The following RNF128 variants were observed in gnomAD, a reference collection of about 807,000 sequenced individuals.
RNF128 encodes E3 ubiquitin-protein ligase RNF128.
A neutral mutation model predicts 26.2 loss-of-function variants in RNF128; 13 were observed. The observed-to-expected ratio is 0.50, with a 90% CI of 0.32 to 0.79. The LOEUF (loss-of-function observed/expected upper bound fraction) is 0.79, where lower values mean the gene tolerates loss of function less well. Ranked by LOEUF, RNF128 falls within the 30% of genes least tolerant of loss-of-function variation. The probability of loss-of-function intolerance (pLI) is 0.03; values close to 1 mark genes in which losing one functional copy is unlikely to be tolerated. For synonymous variants in RNF128, 149 were observed against 142.5 expected (o/e 1.05, Z -0.32); for missense variants, 315 against 349.7 (o/e 0.90, Z 0.79).
intron 1 of RNF128, among the ~76,000 whole-genome samples, chrX:106,710,381 G>A (rs1929105073): frequency 8.9e-6 from 1 of 112,393 alleles, no homozygotes; most frequent in Non-Finnish European, 1.9e-5. Context: ...GAGAACTACA[G>A]TTTATTGAGG....
intron 1 of RNF128, among the ~76,000 whole-genome samples, chrX:106,771,916 A>G (rs1031485546): frequency 2.7e-5 from 3 of 112,506 alleles, no homozygotes; most frequent in African/African-American, 9.7e-5. Flanking sequence ...ATTTGTATTT[A>G]TTCCAGATTG....
intron 1 of RNF128, among the ~76,000 whole-genome samples, chrX:106,733,996 C>A (rs184894216): frequency 3.2e-4 from 36 of 112,254 alleles, no homozygotes; most frequent in African/African-American, 1.1e-3. Flanking sequence ...CCACAGTGCC[C>A]AGCTTATCAT....
At chrX:106,697,587 C>T (rs1252503915) in intron 1 of RNF128, among the ~76,000 whole-genome samples, 1 of 111,709 alleles carries the variant, frequency 9.0e-6, no homozygotes, top group Non-Finnish European at 1.9e-5. Context: ...CTCCGCATCC[C>T]TTATAGGTTG....
At chrX:106,744,637 T>G (rs772805412) in intron 1 of RNF128, among the ~76,000 whole-genome samples, 2 of 110,668 alleles carry the variant, frequency 1.8e-5, no homozygotes, top group African/African-American at 6.6e-5. Flanking sequence ...TTTCTTGTAT[T>G]TTTAGTAGAG....
chrX:106,767,512 G>A (rs1186050994), intron 1 of RNF128, among the ~76,000 whole-genome samples: 1 of 111,462 alleles, frequency 9.0e-6, no homozygotes, highest in Non-Finnish European at 1.9e-5. Flanking sequence ...TTGGCTTTCT[G>A]TTTGTCTGTT....
At chrX:106,698,548 T>A (rs1266449551) in intron 1 of RNF128, among the ~76,000 whole-genome samples, 1 of 111,804 alleles carries the variant, frequency 8.9e-6, no homozygotes, top group African/African-American at 3.3e-5. Flanking sequence ...CTCAGATATG[T>A]ACATAAAGAA....
intron 1 of RNF128, among the ~76,000 whole-genome samples, chrX:106,702,157 G>T (rs934764919): frequency 2.7e-5 from 3 of 110,354 alleles, no homozygotes; most frequent in Non-Finnish European, 5.7e-5. Flanking sequence ...ATGTTTATAA[G>T]GAAATCAAGA....
intron 1 of RNF128, among the ~76,000 whole-genome samples, chrX:106,752,552 A>G (rs765528621): frequency 1.3e-4 from 15 of 112,554 alleles, no homozygotes; most frequent in Admixed American, 9.4e-4. Context: ...ACAACACTCA[A>G]TTCCCTTTGA....
chrX:106,788,396 T>A (rs58451729), intron 4 of RNF128, among the ~76,000 whole-genome samples: 22 of 43,300 alleles, frequency 5.1e-4, no homozygotes, highest in East Asian at 1.6e-3. Flanking sequence ...ATAATATATA[T>A]TATATATAAT....
At chrX:106,740,090 T>G (rs1196418411) in intron 1 of RNF128, among the ~76,000 whole-genome samples, 2 of 111,771 alleles carry the variant, frequency 1.8e-5, no homozygotes, top group Admixed American at 9.5e-5. Context: ...AATAAAAGTT[T>G]GAATGCCCCT....
intron 1 of RNF128, among the ~76,000 whole-genome samples, chrX:106,769,934 A>G (rs1285535309): frequency 9.0e-6 from 1 of 111,069 alleles, no homozygotes. Context: ...AGCTCTTGTA[A>G]GGCAGGCCTG....
intron 2 of RNF128, among the ~76,000 whole-genome samples, chrX:106,774,488 A>G (rs1289909917): frequency 8.9e-6 from 1 of 112,038 alleles, no homozygotes; most frequent in Non-Finnish European, 1.9e-5. Flanking sequence ...CAACATGCAA[A>G]CATAGTATTA....
chrX:106,791,895 A>G (rs1930833199), intron 6 of RNF128, among the ~76,000 whole-genome samples: 1 of 111,137 alleles, frequency 9.0e-6, no homozygotes, highest in Non-Finnish European at 1.9e-5. Flanking sequence ...TTTTACCTCA[A>G]TCTTTTCCAT....
intron 1 of RNF128, among the ~76,000 whole-genome samples, chrX:106,750,738 C>CA (rs796775898): frequency 2.2e-4 from 24 of 107,889 alleles, no homozygotes; most frequent in East Asian, 5.8e-4. Context: ...TGACATCACA[C>CA]AAAAAAAAAG....
At chrX:106,709,813 T>A (rs1929096875) in intron 1 of RNF128, among the ~76,000 whole-genome samples, 1 of 112,013 alleles carries the variant, frequency 8.9e-6, no homozygotes, top group Non-Finnish European at 1.9e-5. Flanking sequence ...CCCAAAGTGC[T>A]GGGATTACAG....
At position 106,752,319 on chromosome X, in the gene RNF128, C is replaced by T. The variant is rs1034706384; in HGVS notation, c.485-20594C>T. Among the ~76,000 whole-genome samples the T allele has an allele frequency of 2.8e-4, 31 of 112,553 alleles. 1 individual carries two copies. The highest frequency in any genetic ancestry group is 1.6e-3 in the Admixed American group (17 of 10,694). On this transcript the variant is annotated intron_variant, in intron 1 of 6. Coordinates refer to ENST00000255499, the MANE Select transcript of RNF128 (RefSeq NM_194463.2). ...CCACAGGGGTGCTTGCATCACCTCT[C>T]CTCCAACTCCAGGCAGCACAGCATG... is the stretch of plus-strand genomic sequence containing the variant.
intron 1 of RNF128, among the ~76,000 whole-genome samples, chrX:106,729,823 T>C (rs1418929187): frequency 8.9e-6 from 1 of 112,210 alleles, no homozygotes; most frequent in African/African-American, 3.2e-5. Context: ...GAATATTTGT[T>C]TGCAAAGTGT....
rs924188440 is a variant in RNF128, at chrX:106,796,223, G to T, written c.*510G>T. ...CTATTTAAGCTGCTTTAAGTTAATA[G>T]AAAAGATTAAAGCAAAATATTCATT... On this transcript the variant is annotated 3_prime_UTR_variant, in exon 7 of 7. Coordinates refer to ENST00000255499, the MANE Select transcript of RNF128 (RefSeq NM_194463.2). 1.8e-5 allele frequency: 2 copies of T among 112,066 alleles called. No individual in the cohort carries two copies. Among genetic ancestry groups the T allele is most frequent in the Non-Finnish European group, 3.8e-5 (2 of 53,013 alleles). 9.2% of individuals were successfully genotyped at this position (112,066 alleles called of 1,213,427 possible).
intron 3 of RNF128, among the ~76,000 whole-genome samples, chrX:106,787,298 T>C (rs1050185976): frequency 1.8e-5 from 2 of 111,552 alleles, no homozygotes; most frequent in Non-Finnish European, 3.8e-5. Context: ...CATACAGCAT[T>C]ATGGATGAAT....
Sources: allele counts gnomAD v4.1 joint callset (sites outside exome capture counted in the v4.1 genomes callset), GRCh38; gene constraint gnomAD v4.1.1; transcripts MANE v1.5; gene names NCBI Gene and HGNC (gene_info 2026-07-23, HGNC 2026-07-21).